Variants in NRXN3 observed in about 807,000 individuals in gnomAD.
NRXN3 encodes the protein neurexin 3, also known as neurexin III.
A neutral mutation model predicts 137.6 loss-of-function variants in NRXN3; 32 were observed. The observed-to-expected ratio is 0.23, with a 90% CI of 0.18 to 0.31. The LOEUF (loss-of-function observed/expected upper bound fraction) is 0.31. NRXN3 is among the 10% of genes least tolerant of loss of function. The pLI, the probability that NRXN3 is intolerant of heterozygous loss-of-function variation, is 1.00. For missense variants in NRXN3, 1,574 were observed against 2,062.5 expected (o/e 0.76, Z 4.59); for synonymous variants, 798 against 784.5 (o/e 1.02, Z -0.29).
At chr14:79,406,821 TTAA>T (rs2095323470) in intron 15 of NRXN3, among the ~76,000 whole-genome samples, 1 of 152,158 alleles carries the variant, frequency 6.6e-6, no homozygotes. Context: ...CTATGTATGA[TTAA>T]AGGATTATTT....
intron 10 of NRXN3, among the ~76,000 whole-genome samples, chr14:78,823,282 C>T (rs61992259): frequency 6.6e-6 from 1 of 152,112 alleles, no homozygotes; most frequent in African/African-American, 2.4e-5. Flanking sequence ...GTACTCTAGT[C>T]CTCTAGTCTT....
chr14:78,291,633 C>G (rs2075814164), intron 3 of NRXN3, among the ~76,000 whole-genome samples: 1 of 152,182 alleles, frequency 6.6e-6, no homozygotes, highest in South Asian at 2.1e-4. Context: ...ACCCTCTTCC[C>G]CCTTCAGTAT....
chr14:79,668,957 A>G (rs900984417), intron 17 of NRXN3, among the ~76,000 whole-genome samples: 71 of 152,154 alleles, frequency 4.7e-4, no homozygotes, highest in African/African-American at 1.7e-3. Flanking sequence ...CTCTTCCTCA[A>G]TTATTGAGAC....
At chr14:78,292,799 T>G (rs1449628121) in intron 3 of NRXN3, among the ~76,000 whole-genome samples, 1 of 152,154 alleles carries the variant, frequency 6.6e-6, no homozygotes, top group African/African-American at 2.4e-5. Flanking sequence ...AGCCTGTGCC[T>G]TTTCTTTTGG....
intron 15 of NRXN3, among the ~76,000 whole-genome samples, chr14:79,333,626 T>C (rs936018608): frequency 2.6e-5 from 4 of 152,160 alleles, no homozygotes; most frequent in African/African-American, 9.7e-5. Flanking sequence ...AAGGAGGAGA[T>C]GGAGAGTTAT....
intron 9 of NRXN3, among the ~76,000 whole-genome samples, chr14:78,807,941 G>A (rs943324793): frequency 6.6e-6 from 1 of 151,728 alleles, no homozygotes; most frequent in African/African-American, 2.4e-5. Flanking sequence ...TAGATTTAAA[G>A]GAAATTGCCT....
At chr14:78,422,865 C>T (rs573818496) in intron 4 of NRXN3, among the ~76,000 whole-genome samples, 13 of 152,300 alleles carry the variant, frequency 8.5e-5, no homozygotes, top group Admixed American at 2.0e-4. Context: ...GTGATGGAGT[C>T]TCACATCCTG....
At chr14:78,488,204 C>T (rs2095599843) in intron 4 of NRXN3, among the ~76,000 whole-genome samples, 1 of 152,208 alleles carries the variant, frequency 6.6e-6, no homozygotes, top group Admixed American at 6.5e-5. Flanking sequence ...AGGGCTCACT[C>T]TAATGACCTC....
chr14:79,667,914 G>T (rs1336670084), intron 17 of NRXN3, among the ~76,000 whole-genome samples: 1 of 151,992 alleles, frequency 6.6e-6, no homozygotes, highest in African/African-American at 2.4e-5. Context: ...GTGAGTGGGT[G>T]GCCGGTGATA....
chr14:79,492,587 T>A (rs763749049), intron 16 of NRXN3, among the ~76,000 whole-genome samples: 1 of 152,198 alleles, frequency 6.6e-6, no homozygotes, highest in South Asian at 2.1e-4. Context: ...TTCGCCGTGT[T>A]GGCCAGGATG....
chr14:78,966,870 A>G (rs1286344153), intron 12 of NRXN3, among the ~76,000 whole-genome samples: 1 of 152,190 alleles, frequency 6.6e-6, no homozygotes, highest in African/African-American at 2.4e-5. Flanking sequence ...TAGTCAAAAC[A>G]AAAAACCAAA....
chr14:79,155,692 C>A (rs1175596030), intron 15 of NRXN3, among the ~76,000 whole-genome samples: 1 of 151,336 alleles, frequency 6.6e-6, no homozygotes, highest in East Asian at 1.9e-4. Flanking sequence ...AAGAATTAGT[C>A]CTCATTTAAA....
chr14:78,987,340 C>T (rs2099509040), intron 14 of NRXN3, among the ~76,000 whole-genome samples: 1 of 152,092 alleles, frequency 6.6e-6, no homozygotes. Context: ...AATGTGTGAC[C>T]TTGAGTAAAT....
intron 4 of NRXN3, among the ~76,000 whole-genome samples, chr14:78,316,148 G>GT (rs1191625505): frequency 2.6e-5 from 4 of 151,998 alleles, no homozygotes; most frequent in Non-Finnish European, 4.4e-5. Flanking sequence ...TTACTATTGA[G>GT]TTTTTTTCCC....
At chr14:78,475,980 A>G (rs1485453647) in intron 4 of NRXN3, among the ~76,000 whole-genome samples, 1 of 152,252 alleles carries the variant, frequency 6.6e-6, no homozygotes, top group African/African-American at 2.4e-5. Flanking sequence ...TACTTAGTAC[A>G]TAGTACAATG....
chr14:78,794,628 GTGTGTGTA>G (rs781260852), intron 8 of NRXN3, among the ~76,000 whole-genome samples: 169 of 151,622 alleles, frequency 1.1e-3, no homozygotes, highest in Middle Eastern at 3.4e-3. Flanking sequence ...GTGTGTGTGT[GTGTGTGTA>G]TATAATATAT....
chr14:78,855,968 T>C (rs1325710162), intron 10 of NRXN3, among the ~76,000 whole-genome samples: 1 of 152,212 alleles, frequency 6.6e-6, no homozygotes, highest in Non-Finnish European at 1.5e-5. Flanking sequence ...CTTTCTGACC[T>C]GGTCAAGCCA....
At chr14:78,509,929 A>G (rs541951215) in intron 4 of NRXN3, among the ~76,000 whole-genome samples, 3 of 152,172 alleles carry the variant, frequency 2.0e-5, no homozygotes, top group African/African-American at 7.2e-5. Flanking sequence ...TCTTGAAAGT[A>G]AAGGTTCTGA....
intron 6 of NRXN3, among the ~76,000 whole-genome samples, chr14:78,683,906 T>A (rs2098101455): frequency 6.6e-6 from 1 of 152,232 alleles, no homozygotes; most frequent in Non-Finnish European, 1.5e-5. Context: ...AGATTGATGA[T>A]TCCCTGGTGG....
Sources: gnomAD v4.1 joint callset for allele counts (sites outside exome capture counted in the v4.1 genomes callset) on GRCh38, gnomAD v4.1.1 for gene constraint, MANE v1.5 for transcripts, NCBI Gene and HGNC (gene_info 2026-07-23, HGNC 2026-07-21) for gene names.